SORBS2: variants seen among roughly 807,000 people sequenced by gnomAD.
The protein encoded by SORBS2 is sorbin and SH3 domain-containing protein 2.
In SORBS2, 46 loss-of-function variants were observed where a neutral mutation model predicts 97.7. The ratio of observed to expected loss-of-function variants is 0.47; its 90% CI spans 0.37 to 0.60. The LOEUF is 0.60. Among genes scored for constraint, SORBS2 ranks in the 20% least tolerant of loss-of-function variants. SORBS2 has a pLI of 0.00. For missense variants in SORBS2, 1,316 were observed against 1,282.3 expected (o/e 1.03, Z -0.40); for synonymous variants, 476 against 473.4 (o/e 1.01, Z -0.07).
chr4:185,847,383 T>A (rs1275126755), intron 1 of SORBS2, among the ~76,000 whole-genome samples: 4 of 152,166 alleles, frequency 2.6e-5, no homozygotes, highest in Non-Finnish European at 4.4e-5. Flanking sequence ...CACCAAATTC[T>A]CACTCTGCCC....
chr4:185,588,227 C>T (rs372423630), intron 14 of SORBS2: 1 of 152,444 alleles, frequency 6.6e-6, no homozygotes, highest in East Asian at 1.9e-4. Flanking sequence ...ACAGCACTGC[C>T]AGAGTCCTTC....
rs151023837 is a variant in SORBS2, at chr4:185,889,634, T to G, written c.-338+66562A>C. 3.4e-3 allele frequency among the ~76,000 whole-genome samples: 525 copies of G among 152,304 alleles called. 2 individuals carry two copies. Among genetic ancestry groups the G allele is most frequent in the African/African-American group, 0.012 (501 of 41,556 alleles). On this transcript the variant is annotated intron_variant, in intron 1 of 20. Transcript: ENST00000284776. Reference sequence around the variant, plus strand: ...TTTCATGTTCCTCTCAGTCTCTCACTTGGGTACCAAGTGTTCATCTTTGCT... The same window carrying G: ...TTTCATGTTCCTCTCAGTCTCTCACGTGGGTACCAAGTGTTCATCTTTGCT...
At chr4:185,658,292 T>C (rs543633726), upstream of SORBS2, among the ~76,000 whole-genome samples, 23 of 152,318 alleles carry the variant, frequency 1.5e-4, no homozygotes, top group Middle Eastern at 3.4e-3. Flanking sequence ...GCCCTAAGGA[T>C]ATAATTTAGA....
chr4:185,882,031 T>C (rs1292845490), intron 1 of SORBS2, among the ~76,000 whole-genome samples: 1 of 152,222 alleles, frequency 6.6e-6, no homozygotes, highest in African/African-American at 2.4e-5. Context: ...TTTATCTGTT[T>C]TTCTTTATTT....
chr4:185,897,848 C>T (rs1053138609), intron 1 of SORBS2, among the ~76,000 whole-genome samples: 1 of 151,908 alleles, frequency 6.6e-6, no homozygotes, highest in African/African-American at 2.4e-5. Flanking sequence ...ACCAGCCTGG[C>T]CAACATGGTG....
chr4:185,754,537 T>G (rs2098819759), intron 2 of SORBS2, among the ~76,000 whole-genome samples: 1 of 152,234 alleles, frequency 6.6e-6, no homozygotes, highest in Non-Finnish European at 1.5e-5. Context: ...GTATAATCAC[T>G]AAATCTACTA....
chr4:185,789,809 G>A (rs2099072446), intron 1 of SORBS2, among the ~76,000 whole-genome samples: 1 of 152,128 alleles, frequency 6.6e-6, no homozygotes, highest in South Asian at 2.1e-4. Context: ...TGTGCCAGGT[G>A]AGGTATTGTT....
intron 1 of SORBS2, among the ~76,000 whole-genome samples, chr4:185,831,230 C>T (rs971710145): frequency 3.9e-5 from 6 of 152,168 alleles, no homozygotes; most frequent in African/African-American, 1.2e-4. Flanking sequence ...CTCTTCTTTC[C>T]TCCAAGACTC....
intron 2 of SORBS2, among the ~76,000 whole-genome samples, chr4:185,687,257 G>C (rs1056059697): frequency 4.6e-5 from 7 of 152,082 alleles, no homozygotes; most frequent in Non-Finnish European, 8.8e-5. Context: ...CCAACACCTG[G>C]GGTCAAGCGA....
intron 1 of SORBS2, among the ~76,000 whole-genome samples, chr4:185,776,854 C>T (rs192825911): frequency 2.7e-5 from 4 of 148,032 alleles, no homozygotes; most frequent in East Asian, 2.0e-4. Context: ...GAGCTGAGAT[C>T]GCACCAGTGC....
At chr4:185,798,068 C>A (rs888248722) in intron 1 of SORBS2, among the ~76,000 whole-genome samples, 4 of 152,244 alleles carry the variant, frequency 2.6e-5, no homozygotes, top group Non-Finnish European at 4.4e-5. Context: ...ACATACGCAG[C>A]CTGGAGAATC....
intron 1 of SORBS2, among the ~76,000 whole-genome samples, chr4:185,820,272 T>TG (rs2099195945): frequency 6.6e-6 from 1 of 152,222 alleles, no homozygotes; most frequent in African/African-American, 2.4e-5. Context: ...GCAGGCTCCC[T>TG]GCAACCTCAC....
intron 6 of SORBS2, among the ~76,000 whole-genome samples, chr4:185,624,861 G>C (rs975699220): frequency 6.6e-6 from 1 of 152,202 alleles, no homozygotes; most frequent in Non-Finnish European, 1.5e-5. Flanking sequence ...TGATCTGGTA[G>C]TGAAGGTTTA....
chr4:185,627,965 T>G (rs2096845228), intron 5 of SORBS2, among the ~76,000 whole-genome samples: 1 of 152,194 alleles, frequency 6.6e-6, no homozygotes, highest in African/African-American at 2.4e-5. Context: ...CTGCACTCGG[T>G]GATACACTTT....
intron 11 of SORBS2, among the ~76,000 whole-genome samples, chr4:185,613,643 T>C (rs1409698318): frequency 2.0e-5 from 1 of 50,454 alleles, no homozygotes; most frequent in Admixed American, 2.3e-4. Context: ...TGACACTCCA[T>C]CTCAAAAAAA....
intron 2 of SORBS2, among the ~76,000 whole-genome samples, chr4:185,717,310 T>C (rs2098473960): frequency 6.6e-6 from 1 of 151,576 alleles, no homozygotes; most frequent in Admixed American, 6.5e-5. Flanking sequence ...AGGGCAGTGA[T>C]TGCTGGACAT....
At chr4:185,929,969 A>G (rs948985827) in intron 1 of SORBS2, among the ~76,000 whole-genome samples, 2 of 152,174 alleles carry the variant, frequency 1.3e-5, no homozygotes, top group South Asian at 4.1e-4. Context: ...GATAAAATGG[A>G]GATAAGAAAA....
chr4:185,630,706 G>T (rs893514166), intron 4 of SORBS2, 108 bp from the exon 17 acceptor site: 26 of 657,272 alleles, frequency 4.0e-5, no homozygotes, highest in Non-Finnish European at 6.8e-5. Context: ...AAAAATTGAG[G>T]TTGAAAGTAC....
At chr4:185,621,519 G>A (rs550831807) in intron 7 of SORBS2, among the ~76,000 whole-genome samples, 37 of 152,138 alleles carry the variant, frequency 2.4e-4, no homozygotes, top group Non-Finnish European at 4.6e-4. Context: ...TAAAAAATGA[G>A]ATTCTGACAC....
Sources: gnomAD v4.1 joint callset for allele counts (sites outside exome capture counted in the v4.1 genomes callset) on GRCh38, gnomAD v4.1.1 for gene constraint, MANE v1.5 for transcripts, NCBI Gene and HGNC (gene_info 2026-07-23, HGNC 2026-07-21) for gene names.